The following IL36B variants were observed in gnomAD, a reference collection of about 807,000 sequenced individuals.
IL36B encodes the protein interleukin 36 beta.
In IL36B, 23 loss-of-function variants were observed where a neutral mutation model predicts 19.3. The ratio of observed to expected loss-of-function variants is 1.19; its 90% CI spans 0.86 to 1.69. The LOEUF (loss-of-function observed/expected upper bound fraction) is 1.69. IL36B is among the 40% of genes most tolerant of loss of function. IL36B has a pLI of 0.00. For missense variants in IL36B, 217 were observed against 200.5 expected, an observed-to-expected ratio of 1.08 and a Z score of -0.50; for synonymous variants, 59 against 59.7, an observed-to-expected ratio of 0.99 and a Z score of 0.05.
Position 113,022,680 on chromosome 2 carries a change from C to A in IL36B, c.489G>T (p.Arg163Ser). The stretch of plus-strand genomic sequence containing the variant: ...AATCTTCCTCCCCTTATTTCTACAT[C>A]CTTCCTGGCATTCCTATGTTGGTCC... The change falls in exon 6 of 6, where the codon AGG (arginine) becomes AGT (serine). Residue 163 changes from arginine to serine, a missense_variant. By Grantham distance (110) the Arg-to-Ser change is moderately radical (BLOSUM62 -1). Coordinates refer to ENST00000259213, the MANE Select transcript of IL36B (RefSeq NM_014438.5). 6.3e-7 allele frequency: 1 copy of A among 1,593,234 alleles called. No individual in the cohort carries two copies. Among genetic ancestry groups the A allele is most frequent in the Non-Finnish European group, 8.6e-7 (1 of 1,161,010 alleles).
chr2:113,030,150 G>A (rs1295503859), intron 3 of IL36B, among the ~76,000 whole-genome samples: 2 of 151,960 alleles, frequency 1.3e-5, no homozygotes, highest in African/African-American at 4.8e-5. Context: ...AGAATTGCTT[G>A]AAACCTGGGA....
chr2:113,036,750 T>C (rs1269301832), intron 1 of IL36B, among the ~76,000 whole-genome samples: 1 of 152,252 alleles, frequency 6.6e-6, no homozygotes, highest in African/African-American at 2.4e-5. Flanking sequence ...CTTATCCTGA[T>C]TCTTTAAGCT....
At chr2:113,031,622 G>A in intron 2 of IL36B, 75 bp downstream of exon 2, 2 of 1,214,444 alleles carry the variant, frequency 1.6e-6, no homozygotes, top group Non-Finnish European at 2.4e-6. Context: ...CAAATGATAG[G>A]GGTCCTTCCA....
chr2:113,036,144 C>T (rs1304521834), intron 1 of IL36B, among the ~76,000 whole-genome samples: 1 of 152,014 alleles, frequency 6.6e-6, no homozygotes, highest in Admixed American at 6.6e-5. Flanking sequence ...ATGAGTTTTG[C>T]CATGTTGGCC....
chr2:113,036,004 G>A (rs769260368), intron 1 of IL36B, among the ~76,000 whole-genome samples: 5 of 152,096 alleles, frequency 3.3e-5, no homozygotes, highest in African/African-American at 7.2e-5. Flanking sequence ...ATGCAGTGGC[G>A]CGATCTTGGC....
intron 1 of IL36B, among the ~76,000 whole-genome samples, chr2:113,036,887 G>A (rs935902545): frequency 4.6e-5 from 7 of 152,372 alleles, no homozygotes; most frequent in South Asian, 4.1e-4. Flanking sequence ...GCACTGCCCT[G>A]TGTAGCCTGC....
intron 1 of IL36B, among the ~76,000 whole-genome samples, chr2:113,033,616 C>T (rs6758965): frequency 0.5 from 76,256 of 151,962 alleles, 19,446 homozygotes; most frequent in East Asian, 0.69. Context: ...ACAGAATGTA[C>T]CCAAAGTCAT....
rs546168376 is a variant in IL36B, at chr2:113,050,415, A to G, written c.-58+2402T>C. On this transcript the variant is annotated intron_variant, in intron 1 of 5. Coordinates refer to ENST00000259213, the MANE Select transcript of IL36B (RefSeq NM_014438.5). ...AAAGCAGTCAAATTCATAGAGATGG[A>G]AAGTAAAATGGTGGTTGCCAGGGGC... Among the ~76,000 whole-genome samples, 27 of 152,076 alleles carry G rather than the reference A, an allele frequency of 1.8e-4. No individual in the cohort carries two copies. The South Asian group carries it at 4.8e-3, about 27-fold the overall frequency.
intron 1 of IL36B, among the ~76,000 whole-genome samples, chr2:113,049,832 G>A (rs973737474): frequency 3.9e-5 from 6 of 152,100 alleles, no homozygotes; most frequent in Non-Finnish European, 8.8e-5. Context: ...GCGTGCACCT[G>A]TAATCCCAGC....
intron 1 of IL36B, among the ~76,000 whole-genome samples, chr2:113,039,967 T>C (rs1319666425): frequency 6.6e-6 from 1 of 152,222 alleles, no homozygotes; most frequent in East Asian, 1.9e-4. Context: ...CATGGGTCAA[T>C]TTCCCATTTT....
At chr2:113,036,085 C>T (rs932336992) in intron 1 of IL36B, among the ~76,000 whole-genome samples, 1 of 152,146 alleles carries the variant, frequency 6.6e-6, no homozygotes, top group Non-Finnish European at 1.5e-5. Context: ...GCTGGAGTTA[C>T]AGGCATGCAC....
chr2:113,025,131 C>A (rs891687459), intron 5 of IL36B, among the ~76,000 whole-genome samples: 4 of 152,166 alleles, frequency 2.6e-5, no homozygotes, highest in Non-Finnish European at 5.9e-5. Context: ...CCTGGGGATA[C>A]CCTTGGTTAT....
At chr2:113,044,260 A>ATGTGTGTG (rs56838257) in intron 1 of IL36B, among the ~76,000 whole-genome samples, 125 of 142,544 alleles carry the variant, frequency 8.8e-4, no homozygotes, top group Non-Finnish European at 1.3e-3. Flanking sequence ...CTATATCTAT[A>ATGTGTGTG]TGTGTGTGTG....
intron 1 of IL36B, among the ~76,000 whole-genome samples, chr2:113,050,284 T>C (rs1217546888): frequency 6.6e-6 from 1 of 152,038 alleles, no homozygotes; most frequent in African/African-American, 2.4e-5. Context: ...GAAGTTCTGA[T>C]ACATGCTACA....
intron 1 of IL36B, among the ~76,000 whole-genome samples, chr2:113,040,118 C>A (rs1186244072): frequency 6.6e-6 from 1 of 152,220 alleles, no homozygotes; most frequent in Non-Finnish European, 1.5e-5. Context: ...ATTGTCCAGA[C>A]AAGAATTGTA....
chr2:113,029,199 C>T, intron 3 of IL36B, 121 bp from the exon 4 acceptor site: 1 of 946,524 alleles, frequency 1.1e-6, no homozygotes, highest in Non-Finnish European at 1.6e-6. Context: ...AGAGACCCTC[C>T]ATCACCCTCC....
chr2:113,050,405 A>T (rs1685422173), intron 1 of IL36B, among the ~76,000 whole-genome samples: 1 of 152,084 alleles, frequency 6.6e-6, no homozygotes, highest in Non-Finnish European at 1.5e-5. Context: ...AGTCAAATTC[A>T]TAGAGATGGA....
At chr2:113,026,272 C>T (rs1187846611) in intron 4 of IL36B, 1 of 1,611,320 alleles carries the variant, frequency 6.2e-7, no homozygotes, top group Admixed American at 1.7e-5. Context: ...AGATAATACA[C>T]TGCCAGGTTA....
Position 113,051,479 on chromosome 2 carries a change from C to A in IL36B, c.-58+1338G>T, listed in dbSNP as rs78748641. Reference sequence around the variant, plus strand: ...CCTCACCTGCCCTGTGGACTGCCCACGCGCTCTCTCAGATCCCGGCCTGTG... The same window carrying A: ...CCTCACCTGCCCTGTGGACTGCCCAAGCGCTCTCTCAGATCCCGGCCTGTG... On this transcript the variant is annotated intron_variant, in intron 1 of 5. Transcript: ENST00000259213. 2.1e-3 allele frequency among the ~76,000 whole-genome samples: 324 copies of A among 152,308 alleles called. 11 individuals carry two copies. In the East Asian group the frequency reaches 0.041, roughly 19 times the overall value.
Sources: allele counts gnomAD v4.1 joint callset (sites outside exome capture counted in the v4.1 genomes callset), GRCh38; gene constraint gnomAD v4.1.1; transcripts MANE v1.5; gene names NCBI Gene and HGNC (gene_info 2026-07-23, HGNC 2026-07-21).